The following HNF4A variants were observed in gnomAD, a reference collection of about 807,000 sequenced individuals.
HNF4A encodes hepatocyte nuclear factor 4 alpha.
In HNF4A, 15 loss-of-function variants were observed where a neutral mutation model predicts 52.4. That is an observed-to-expected ratio of 0.29 (90% CI 0.19 to 0.44). The LOEUF is 0.44. Among genes scored for constraint, HNF4A ranks in the 20% least tolerant of loss-of-function variants. The pLI, the probability that HNF4A is intolerant of heterozygous loss-of-function variation, is 1.00. For missense variants in HNF4A, 479 were observed against 647.2 expected (o/e 0.74, Z 2.82); for synonymous variants, 280 against 264.4 (o/e 1.06, Z -0.57).
At chr20:44,410,893 T>C (rs2063571803) in intron 3 of HNF4A, among the ~76,000 whole-genome samples, 1 of 151,712 alleles carries the variant, frequency 6.6e-6, no homozygotes, top group South Asian at 2.1e-4. Flanking sequence ...TGAAACTTTC[T>C]CTCGACCACA....
chr20:44,430,486 C>T lies in HNF4A; in HGVS notation c.*821C>T, dbSNP rs1265605781. 1 of 152,342 alleles carries T rather than the reference C, an allele frequency of 6.6e-6. No individual in the cohort carries two copies. The highest frequency in any genetic ancestry group is 1.5e-5 in the Non-Finnish European group (1 of 68,082). The allele number at this position is 152,342 out of a possible 1,614,324, so 9.4% of individuals were successfully genotyped here. ...AAGCATCAGAAAGAGGCAGACCATC[C>T]ACCAGGCCTTTGAGAAAGGGTAGAA... On this transcript the variant is annotated 3_prime_UTR_variant, in exon 10 of 10. Coordinates refer to ENST00000316099, the MANE Select transcript of HNF4A (RefSeq NM_000457.6).
At chr20:44,410,784 T>A (rs1435593053) in intron 3 of HNF4A, among the ~76,000 whole-genome samples, 2 of 151,124 alleles carry the variant, frequency 1.3e-5, no homozygotes, top group Admixed American at 1.3e-4. Flanking sequence ...TGGAGTCAGG[T>A]CTAGAACTCA....
intron 1 of HNF4A, among the ~76,000 whole-genome samples, chr20:44,366,387 A>G (rs111819146): frequency 0.013 from 1,919 of 152,228 alleles, 46 homozygotes; most frequent in African/African-American, 0.044. Flanking sequence ...TTGGGAGCCC[A>G]AGGTGGGCGG....
chr20:44,368,053 CT>C (rs558557390), intron 1 of HNF4A, among the ~76,000 whole-genome samples: 1,862 of 103,724 alleles, frequency 0.018, 49 homozygotes, highest in African/African-American at 0.062. Flanking sequence ...GGAAGATGGG[CT>C]TTTTTTTTTT....
At chr20:44,385,353 G>T (rs2063210119) in intron 1 of HNF4A, among the ~76,000 whole-genome samples, 1 of 151,912 alleles carries the variant, frequency 6.6e-6, no homozygotes, top group Non-Finnish European at 1.5e-5. Flanking sequence ...GGTGCTCCAT[G>T]GCTCCTGCCT....
At chr20:44,410,451 T>C (rs2063565561) in intron 3 of HNF4A, among the ~76,000 whole-genome samples, 2 of 151,934 alleles carry the variant, frequency 1.3e-5, no homozygotes, top group African/African-American at 4.8e-5. Context: ...CCATAGGAAA[T>C]GAGGGTATTC....
At chr20:44,372,762 C>T (rs1225194637) in intron 1 of HNF4A, 5 of 152,104 alleles carry the variant, frequency 3.3e-5, no homozygotes, top group Middle Eastern at 3.4e-3. Context: ...ACAGTGAAAG[C>T]GCTGACTTTG....
chr20:44,422,307 G>T (rs978310412), intron 7 of HNF4A, among the ~76,000 whole-genome samples: 1 of 152,186 alleles, frequency 6.6e-6, no homozygotes, highest in Non-Finnish European at 1.5e-5. Flanking sequence ...AAATGGGAAG[G>T]ATCACTGATG....
At chr20:44,393,952 A>G (rs1034874876) in intron 1 of HNF4A, among the ~76,000 whole-genome samples, 1 of 152,224 alleles carries the variant, frequency 6.6e-6, no homozygotes, top group Non-Finnish European at 1.5e-5. Flanking sequence ...CTTGGGCTCA[A>G]GTAATCCTCC....
chr20:44,355,699 G>A (rs1239451276), upstream of HNF4A: 6 of 957,648 alleles, frequency 6.3e-6, no homozygotes, highest in East Asian at 2.4e-5. Flanking sequence ...GCAGCTGGCC[G>A]CACTCACCGC....
chr20:44,410,538 C>T lies in HNF4A; in HGVS notation c.385+3063C>T, dbSNP rs928121849. ...AGCTCCCAAAGCCAAAAGAAAGTCT[C>T]GGTGGAAGTCTCACTGGCCAGGAGA... On this transcript the variant is annotated intron_variant, in intron 3 of 9. Coordinates refer to ENST00000316099, the MANE Select transcript of HNF4A (RefSeq NM_000457.6). 9.9e-5 allele frequency among the ~76,000 whole-genome samples: 15 copies of T among 152,020 alleles called. 1 individual carries two copies. The highest frequency in any genetic ancestry group is 7.9e-4 in the Admixed American group (12 of 15,262).
At chr20:44,400,544 G>A (rs938804367), upstream of HNF4A, among the ~76,000 whole-genome samples, 3 of 151,954 alleles carry the variant, frequency 2.0e-5, no homozygotes, top group South Asian at 2.1e-4. Flanking sequence ...GTCTCTGCCT[G>A]CTCCGGGAGG....
intron 5 of HNF4A, among the ~76,000 whole-genome samples, chr20:44,417,584 T>C (rs1458748173): frequency 6.6e-6 from 1 of 152,108 alleles, no homozygotes; most frequent in Non-Finnish European, 1.5e-5. Context: ...CAAACAGAAT[T>C]GCACTTCAGA....
chr20:44,418,385 AAGGGTACAG>A, intron 5 of HNF4A, 31 bp from the exon 6 acceptor site: 1 of 1,568,828 alleles, frequency 6.4e-7, no homozygotes, highest in Non-Finnish European at 8.8e-7. Context: ...CAGCCTTCCC[AAGGGTACAG>A]ATGGCAAACA....
chr20:44,375,234 G>GT (rs1185884565), intron 1 of HNF4A, among the ~76,000 whole-genome samples: 1 of 152,060 alleles, frequency 6.6e-6, no homozygotes, highest in Non-Finnish European at 1.5e-5. Flanking sequence ...GGGGTTCTTT[G>GT]TTTTTTGCTT....
At chr20:44,360,612 TAGC>T (rs1168896365) in intron 1 of HNF4A, among the ~76,000 whole-genome samples, 1 of 152,168 alleles carries the variant, frequency 6.6e-6, no homozygotes, top group African/African-American at 2.4e-5. Context: ...TAGCCTGGAA[TAGC>T]AGCATCTTCA....
At chr20:44,409,236 T>A (rs1326001788) in intron 3 of HNF4A, among the ~76,000 whole-genome samples, 1 of 152,128 alleles carries the variant, frequency 6.6e-6, no homozygotes, top group Non-Finnish European at 1.5e-5. Flanking sequence ...CTGCAAATAC[T>A]CCCTCCTCTC....
chr20:44,378,460 G>A (rs1042970472), intron 1 of HNF4A, among the ~76,000 whole-genome samples: 2 of 151,856 alleles, frequency 1.3e-5, no homozygotes, highest in Admixed American at 6.6e-5. Context: ...TAGAGACAGG[G>A]TTTCACTATG....
chr20:44,360,299 A>T (rs1166737406), intron 1 of HNF4A, among the ~76,000 whole-genome samples: 1 of 152,132 alleles, frequency 6.6e-6, no homozygotes, highest in African/African-American at 2.4e-5. Flanking sequence ...CATGAATGGA[A>T]TAGAGGGAGA....
Sources: gnomAD v4.1 joint callset for allele counts (sites outside exome capture counted in the v4.1 genomes callset) on GRCh38, gnomAD v4.1.1 for gene constraint, MANE v1.5 for transcripts, NCBI Gene and HGNC (gene_info 2026-07-23, HGNC 2026-07-21) for gene names.